Variants in SEMA3D observed in about 807,000 individuals in gnomAD.
SEMA3D encodes semaphorin-3D.
Under a neutral mutation model 100.1 loss-of-function variants are expected in SEMA3D, and 84 were observed. That is an observed-to-expected ratio of 0.84 (90% CI 0.70 to 1.01). The LOEUF is 1.01. SEMA3D is among the 50% of genes least tolerant of loss of function. The pLI, the probability that SEMA3D is intolerant of heterozygous loss-of-function variation, is 0.00. For missense variants in SEMA3D, 875 were observed against 934.1 expected (o/e 0.94, Z 0.82); for synonymous variants, 312 against 320.7 (o/e 0.97, Z 0.29).
chr7:85,225,219 A>G, the SEMA3D span, among the ~76,000 whole-genome samples: 1 of 146,286 alleles, frequency 6.8e-6, no homozygotes, highest in African/African-American at 2.5e-5. Context: ...ATACATATAT[A>G]TATTATACTT....
At chr7:85,055,063 T>G (rs1270347466) in intron 9 of SEMA3D, among the ~76,000 whole-genome samples, 2 of 152,118 alleles carry the variant, frequency 1.3e-5, no homozygotes, top group African/African-American at 4.8e-5. Flanking sequence ...GCATTGTGGT[T>G]GTTTGTTTTT....
intron 17 of SEMA3D, among the ~76,000 whole-genome samples, chr7:85,009,562 T>C (rs1789894828): frequency 6.7e-6 from 1 of 148,974 alleles, no homozygotes; most frequent in Admixed American, 6.7e-5. Flanking sequence ...CAATTTTCTA[T>C]ACAGGTGTCA....
intron 2 of SEMA3D, among the ~76,000 whole-genome samples, chr7:85,138,115 G>A (rs1789916448): frequency 6.6e-6 from 1 of 152,040 alleles, no homozygotes; most frequent in Non-Finnish European, 1.5e-5. Flanking sequence ...AGCTGAATGG[G>A]CTCAAAGTAA....
At chr7:85,020,676 TAAC>T (rs1259548590) in intron 13 of SEMA3D, among the ~76,000 whole-genome samples, 1 of 151,532 alleles carries the variant, frequency 6.6e-6, no homozygotes, top group Non-Finnish European at 1.5e-5. Context: ...TATATTAAAA[TAAC>T]AAATTCTCTC....
chr7:85,038,143 C>T (rs887225536), intron 11 of SEMA3D, among the ~76,000 whole-genome samples: 1 of 151,944 alleles, frequency 6.6e-6, no homozygotes, highest in East Asian at 1.9e-4. Flanking sequence ...CACATGTATA[C>T]GTATGTAACT....
intron 1 of SEMA3D, among the ~76,000 whole-genome samples, chr7:85,173,840 A>G (rs1791151847): frequency 6.6e-6 from 1 of 152,154 alleles, no homozygotes; most frequent in Admixed American, 6.5e-5. Context: ...TAGTATCTGG[A>G]CCCAGGATGT....
the SEMA3D span, among the ~76,000 whole-genome samples, chr7:85,240,365 T>C: frequency 6.6e-6 from 1 of 152,162 alleles, no homozygotes; most frequent in African/African-American, 2.4e-5. Context: ...GTATGTGATG[T>C]ATTATTTTTT....
chr7:85,236,281 T>TTTAATTTA, the SEMA3D span, among the ~76,000 whole-genome samples: 13 of 132,008 alleles, frequency 9.8e-5, no homozygotes, highest in South Asian at 4.5e-4. Flanking sequence ...TTTTATTTTA[T>TTTAATTTA]TTTATTTATT....
the SEMA3D span, among the ~76,000 whole-genome samples, chr7:85,208,741 G>A: frequency 6.6e-6 from 1 of 151,976 alleles, no homozygotes; most frequent in Non-Finnish European, 1.5e-5. Flanking sequence ...GAGAAAGGTG[G>A]GGTGGCAAAG....
chr7:85,250,049 C>T, the SEMA3D span, among the ~76,000 whole-genome samples: 1 of 152,102 alleles, frequency 6.6e-6, no homozygotes, highest in East Asian at 1.9e-4. Context: ...GGCATTGCCT[C>T]ACTTGGGAAG....
chr7:85,172,684 C>A (rs185438867), intron 1 of SEMA3D, among the ~76,000 whole-genome samples: 5 of 152,014 alleles, frequency 3.3e-5, no homozygotes, highest in Non-Finnish European at 7.4e-5. Context: ...GGTTCCTACA[C>A]GGTCCTCTGA....
At chr7:85,219,712 C>T in the SEMA3D span, among the ~76,000 whole-genome samples, 1 of 152,028 alleles carries the variant, frequency 6.6e-6, no homozygotes, top group East Asian at 1.9e-4. Flanking sequence ...AAAATATATG[C>T]TTGCCATTGA....
At chr7:85,048,280 A>G (rs1357775964) in intron 9 of SEMA3D, among the ~76,000 whole-genome samples, 8 of 151,952 alleles carry the variant, frequency 5.3e-5, no homozygotes, top group Middle Eastern at 6.8e-3. Flanking sequence ...TGTTGTCTCA[A>G]TCTTCAGTGG....
chr7:85,197,929 T>A, the SEMA3D span, among the ~76,000 whole-genome samples: 1 of 152,156 alleles, frequency 6.6e-6, no homozygotes, highest in African/African-American at 2.4e-5. Context: ...AAGAAGGTTA[T>A]ACAGCAACAA....
chr7:85,152,116 CCTATCTTTA>C (rs1428965859), intron 2 of SEMA3D, among the ~76,000 whole-genome samples: 1 of 151,796 alleles, frequency 6.6e-6, no homozygotes, highest in Non-Finnish European at 1.5e-5. Context: ...TTATTTTATA[CCTATCTTTA>C]CTTGTAGGAC....
At chr7:85,051,060 C>T (rs965157679) in intron 9 of SEMA3D, among the ~76,000 whole-genome samples, 3 of 151,876 alleles carry the variant, frequency 2.0e-5, no homozygotes, top group Non-Finnish European at 4.4e-5. Context: ...TTGTTACATG[C>T]TTGTAAACTT....
Position 85,121,943 on chromosome 7 carries a change from T to TAAAA in SEMA3D, c.-40-16_-40-13dup. The TAAAA allele has an allele frequency of 9.5e-7, 1 of 1,050,156 alleles. No individual in the cohort carries two copies. Among genetic ancestry groups the TAAAA allele is most frequent in the Non-Finnish European group, 1.3e-6 (1 of 772,268 alleles). The allele number at this position is 1,050,156 out of a possible 1,614,324, so 65.1% of individuals were successfully genotyped here. On this transcript the variant is annotated splice_polypyrimidine_tract_variant and intron_variant, in intron 2 of 18. Coordinates refer to ENST00000284136, the MANE Select transcript of SEMA3D (RefSeq NM_001384900.1). ...GGTGTTAATTTAATCTAAAAAAGAG[T>TAAAA]AAAAAAAAAAAAACTATTAAGGTAT...
chr7:85,086,971 T>C (rs1788235483), intron 4 of SEMA3D, among the ~76,000 whole-genome samples: 1 of 152,150 alleles, frequency 6.6e-6, no homozygotes, highest in Non-Finnish European at 1.5e-5. Context: ...GGATCAATAG[T>C]TAATATGAAC....
At chr7:85,073,308 T>C (rs1031726518) in intron 5 of SEMA3D, among the ~76,000 whole-genome samples, 14 of 152,166 alleles carry the variant, frequency 9.2e-5, no homozygotes, top group African/African-American at 3.1e-4. Flanking sequence ...ATAAAACCAT[T>C]GAACTAATCA....
Sources: allele counts gnomAD v4.1 joint callset (sites outside exome capture counted in the v4.1 genomes callset), GRCh38; gene constraint gnomAD v4.1.1; transcripts MANE v1.5; gene names NCBI Gene and HGNC (gene_info 2026-07-23, HGNC 2026-07-21).